RBFOX3: variants seen among roughly 807,000 people sequenced by gnomAD.
The protein encoded by RBFOX3 is RNA binding protein fox-1 homolog 3.
In RBFOX3, 17 loss-of-function variants were observed where a neutral mutation model predicts 48.7. The ratio of observed to expected loss-of-function variants is 0.35; its 90% CI spans 0.24 to 0.52. The LOEUF is 0.52. Among genes scored for constraint, RBFOX3 ranks in the 20% least tolerant of loss-of-function variants. The pLI, the probability that RBFOX3 is intolerant of heterozygous loss-of-function variation, is 0.94. For synonymous variants in RBFOX3, 212 were observed against 209.5 expected (o/e 1.01, Z -0.10); for missense variants, 382 against 497.5 (o/e 0.77, Z 2.21).
chr17:79,480,306 A>T lies in RBFOX3; in HGVS notation c.-175+2148T>A, dbSNP rs1008119319. On this transcript the variant is annotated intron_variant, in intron 2 of 14. Transcript: ENST00000693108. This position sits in a 1 kb window ranked among gnomAD's most constrained non-coding sequence, Gnocchi z 4.8. ...AAGGGTTTATCTCAGACATGGGCCC[A>T]GATCCACCACTCCTCTCCTCCCGGG... 6.6e-6 allele frequency among the ~76,000 whole-genome samples: 1 copy of T among 152,148 alleles called. No homozygotes were observed. Among genetic ancestry groups the T allele is most frequent in the Non-Finnish European group, 1.5e-5 (1 of 68,018 alleles).
intron 2 of RBFOX3, among the ~76,000 whole-genome samples, chr17:79,410,146 C>T (rs1462742027): frequency 6.6e-5 from 10 of 152,228 alleles, no homozygotes; most frequent in South Asian, 6.2e-4. Flanking sequence ...GCTCAGCATG[C>T]GTGTGCAATG....
intron 3 of RBFOX3, among the ~76,000 whole-genome samples, chr17:79,274,713 C>T (rs941256734): frequency 2.0e-5 from 3 of 152,064 alleles, no homozygotes; most frequent in Non-Finnish European, 4.4e-5. Context: ...GCTCACTCCC[C>T]GCTACTGGCC....
intron 1 of RBFOX3, among the ~76,000 whole-genome samples, chr17:79,514,461 G>A (rs1033013996): frequency 5.3e-5 from 8 of 152,246 alleles, no homozygotes; most frequent in African/African-American, 1.4e-4. Flanking sequence ...ATGAGGTCAC[G>A]GGTGCGTGGC....
chr17:79,160,268 A>AAC (rs59259348), intron 4 of RBFOX3, among the ~76,000 whole-genome samples: 9,086 of 152,286 alleles, frequency 0.06, 910 homozygotes, highest in African/African-American at 0.21. Flanking sequence ...CTAGGACCCC[A>AAC]ACATTTCTCT....
intron 3 of RBFOX3, among the ~76,000 whole-genome samples, chr17:79,263,565 GC>G (rs2066157019): frequency 2.0e-5 from 3 of 152,080 alleles, no homozygotes; most frequent in Admixed American, 2.0e-4. Flanking sequence ...GGCAGAGGCT[GC>G]CCCAGCTCAT....
At chr17:79,409,380 G>A (rs117000269) in intron 2 of RBFOX3, among the ~76,000 whole-genome samples, 1,657 of 152,268 alleles carry the variant, frequency 0.011, 17 homozygotes, top group Middle Eastern at 0.027. Flanking sequence ...CGAGACGGCC[G>A]GGTTGTGTGA....
chr17:79,546,625 C>T (rs1349067645), intron 1 of RBFOX3, among the ~76,000 whole-genome samples: 5 of 151,900 alleles, frequency 3.3e-5, no homozygotes, highest in African/African-American at 1.2e-4. Context: ...TGGTTCCCTC[C>T]CATTCCCATC....
At chr17:79,620,380 CACAT>C in the RBFOX3 span, among the ~76,000 whole-genome samples, 1 of 149,268 alleles carries the variant, frequency 6.7e-6, no homozygotes, top group East Asian at 2.2e-4. Context: ...GACATACACA[CACAT>C]GCACACATGC....
In RBFOX3 at chr17:79,198,499, T is replaced by C. The variant is rs1567826578; in HGVS notation, c.-34+37267A>G. Among the ~76,000 whole-genome samples the C allele has an allele frequency of 2.0e-5, 3 of 152,162 alleles. No homozygotes were observed. On this transcript the variant is annotated intron_variant, in intron 4 of 14. Coordinates refer to ENST00000693108, the MANE Select transcript of RBFOX3 (RefSeq NM_001350451.2). The surrounding 1 kb of genome is among the most constrained non-coding windows in gnomAD (Gnocchi z 8.2). ...GCCTCACTCAAGCCTGTGGGACAGA[T>C]GGGTACAGCTGGAGACTGAGGCTTG...
the RBFOX3 span, among the ~76,000 whole-genome samples, chr17:79,643,804 A>T: frequency 6.6e-6 from 1 of 152,322 alleles, no homozygotes; most frequent in African/African-American, 2.4e-5. Context: ...GCTTAGAGAA[A>T]ATTTGTAGCT....
chr17:79,616,608 C>CACACACACAT, the RBFOX3 span, among the ~76,000 whole-genome samples: 12 of 150,774 alleles, frequency 8.0e-5, no homozygotes, highest in African/African-American at 2.9e-4. Context: ...CACACACACA[C>CACACACACAT]GTGTTACTAC....
At chr17:79,627,909 C>CA in the RBFOX3 span, among the ~76,000 whole-genome samples, 206 of 152,180 alleles carry the variant, frequency 1.4e-3, 1 homozygote, top group East Asian at 3.1e-3. Context: ...CAAGCGTAGA[C>CA]AAAAGAGACC....
chr17:79,389,748 T>C (rs1338170423), intron 2 of RBFOX3, among the ~76,000 whole-genome samples: 4 of 152,182 alleles, frequency 2.6e-5, no homozygotes, highest in Non-Finnish European at 5.9e-5. Context: ...GGACCGTACT[T>C]GGGGAACCAG....
Position 79,299,552 on chromosome 17 carries a change from C to T in RBFOX3, c.-74+8172G>A, listed in dbSNP as rs150484044. 1.2e-3 allele frequency among the ~76,000 whole-genome samples: 178 copies of T among 152,284 alleles called. No homozygotes were observed. The highest frequency in any genetic ancestry group is 3.7e-3 in the African/African-American group (154 of 41,550). On this transcript the variant is annotated intron_variant, in intron 3 of 14. Transcript: ENST00000693108. The surrounding 1 kb of genome is among the most constrained non-coding windows in gnomAD (Gnocchi z 4.5). ...GATCTCCAGGGTACTGGAGGATGCACGTGGGTTACATGCAGAGGCTGCGCC... is the reference window on the plus strand; with the variant it reads ...GATCTCCAGGGTACTGGAGGATGCATGTGGGTTACATGCAGAGGCTGCGCC...
At chr17:79,589,527 C>T (rs1054636607) in intron 1 of RBFOX3, among the ~76,000 whole-genome samples, 3 of 152,194 alleles carry the variant, frequency 2.0e-5, no homozygotes, top group Admixed American at 6.5e-5. Flanking sequence ...GAGGTTAGGA[C>T]GTCAACATGG....
At chr17:79,385,854 G>A (rs2060489918) in intron 2 of RBFOX3, among the ~76,000 whole-genome samples, 1 of 150,370 alleles carries the variant, frequency 6.7e-6, no homozygotes, top group Non-Finnish European at 1.5e-5. Context: ...ACCCTCCATT[G>A]CAGACAGGAG....
At chr17:79,134,626 G>T (rs1450740183) in intron 4 of RBFOX3, among the ~76,000 whole-genome samples, 1 of 152,210 alleles carries the variant, frequency 6.6e-6, no homozygotes, top group Non-Finnish European at 1.5e-5. Context: ...ACCCTGACCT[G>T]CAGCCTCAGA....
chr17:79,520,583 C>CCT (rs1343405697), intron 1 of RBFOX3, among the ~76,000 whole-genome samples: 2 of 152,238 alleles, frequency 1.3e-5, no homozygotes, highest in Non-Finnish European at 2.9e-5. Flanking sequence ...CTCTGCTCTG[C>CCT]CTCATGCACA....
intron 1 of RBFOX3, among the ~76,000 whole-genome samples, chr17:79,515,295 G>A (rs918258066): frequency 1.3e-5 from 2 of 152,162 alleles, no homozygotes; most frequent in Non-Finnish European, 2.9e-5. Context: ...GCCCCTGGGG[G>A]TGTGCAGTGC....
Sources: gnomAD v4.1 joint callset for allele counts (sites outside exome capture counted in the v4.1 genomes callset) on GRCh38, gnomAD v4.1.1 for gene constraint, Gnocchi (gnomAD v3.1) non-coding constraint, MANE v1.5 for transcripts, NCBI Gene and HGNC (gene_info 2026-07-23, HGNC 2026-07-21) for gene names.